The following RRP12 variants were observed in gnomAD, a reference collection of about 807,000 sequenced individuals.
The protein encoded by RRP12 is ribosomal RNA processing 12 homolog.
In RRP12, 78 loss-of-function variants were observed where a neutral mutation model predicts 157.3. That is an observed-to-expected ratio of 0.50 (90% CI 0.41 to 0.60). RRP12 has a LOEUF of 0.60. RRP12 is among the 20% of genes least tolerant of loss of function. The probability of loss-of-function intolerance (pLI) is 0.00; values close to 1 mark genes in which losing one functional copy is unlikely to be tolerated. For missense variants in RRP12, 1,521 were observed against 1,679.9 expected (o/e 0.91, Z 1.65); for synonymous variants, 726 against 670.9 (o/e 1.08, Z -1.27).
chr10:97,383,580 T>C (rs1844529271), intron 10 of RRP12, among the ~76,000 whole-genome samples: 1 of 152,200 alleles, frequency 6.6e-6, no homozygotes, highest in Admixed American at 6.5e-5. Context: ...GGCCCTTGCC[T>C]CCCTCCATGC....
chr10:97,360,034 A>G (rs1052651895), intron 31 of RRP12, among the ~76,000 whole-genome samples: 75 of 152,332 alleles, frequency 4.9e-4, no homozygotes, highest in African/African-American at 1.8e-3. Flanking sequence ...GGAAGGAAGC[A>G]GAGGTGAAGC....
intron 9 of RRP12, 120 bp downstream of exon 9, chr10:97,385,775 G>T: frequency 1.4e-6 from 1 of 700,256 alleles, no homozygotes; most frequent in Non-Finnish European, 2.5e-6. Flanking sequence ...TCTTCCACTA[G>T]GACAACCCAG....
At chr10:97,365,941 A>C in intron 29 of RRP12, 167 bp downstream of exon 29, 11 of 855,206 alleles carry the variant, frequency 1.3e-5, no homozygotes, top group Non-Finnish European at 2.1e-5. Flanking sequence ...ACAACATAAA[A>C]AGATTTCTTA....
chr10:97,384,165 C>CCTG (rs1844548757), intron 10 of RRP12, among the ~76,000 whole-genome samples: 1 of 145,856 alleles, frequency 6.9e-6, no homozygotes, highest in Admixed American at 6.9e-5. Context: ...GCAGCCAGGC[C>CCTG]AGAGGCCCTG....
At chr10:97,394,211 C>T (rs1164236444) in intron 3 of RRP12, among the ~76,000 whole-genome samples, 2 of 152,022 alleles carry the variant, frequency 1.3e-5, no homozygotes, top group African/African-American at 2.4e-5. Flanking sequence ...GGCATGGTGG[C>T]GGGCGCCTGT....
At chr10:97,386,917 A>C (rs1307087466) in intron 8 of RRP12, among the ~76,000 whole-genome samples, 3 of 151,976 alleles carry the variant, frequency 2.0e-5, no homozygotes, top group Non-Finnish European at 4.4e-5. Flanking sequence ...GTGAACCCGG[A>C]AGGCGGAGTT....
In RRP12 at chr10:97,369,434, C is replaced by T. The variant is rs529618708; in HGVS notation, c.2946G>A (p.Val982=). The T allele has an allele frequency of 1.2e-5, 19 of 1,611,872 alleles. No individual in the cohort carries two copies. The South Asian group carries it at 2.0e-4, about 17-fold the overall frequency. ...GAACGGGGACACTCACCACCAGCTG[C>T]ACATGTTTGGCCAGGTGCGCCACGT... ...VMDVAHLAKH[V]QLVMEAIGKL... Residue 982 remains valine, a synonymous_variant, in exon 25 of 34, where the codon GTG becomes GTA. Coordinates refer to ENST00000370992, the MANE Select transcript of RRP12 (RefSeq NM_015179.4).
At chr10:97,360,316 G>A (rs958719970) in intron 31 of RRP12, among the ~76,000 whole-genome samples, 3 of 152,148 alleles carry the variant, frequency 2.0e-5, no homozygotes, top group African/African-American at 7.2e-5. Context: ...TCCTCAGAAG[G>A]CTGGTGGTTC....
chr10:97,373,549 C>A, intron 17 of RRP12, 26 bp downstream of exon 17: 1 of 1,568,874 alleles, frequency 6.4e-7, no homozygotes, highest in East Asian at 2.3e-5. Context: ...TCCTCCCCAG[C>A]CCCCACTCCC....
chr10:97,391,314 G>A (rs923051791), intron 4 of RRP12, among the ~76,000 whole-genome samples: 9 of 151,694 alleles, frequency 5.9e-5, no homozygotes, highest in African/African-American at 2.0e-4. Flanking sequence ...GCTCACGCCT[G>A]TAATCCCAGC....
At position 97,401,187 on chromosome 10, in the gene RRP12, C is replaced by T; in HGVS notation, c.45G>A (p.Leu15=). 4 of 1,614,166 alleles carry T rather than the reference C, an allele frequency of 2.5e-6. No individual in the cohort carries two copies. The highest frequency in any genetic ancestry group is 3.4e-6 in the Non-Finnish European group (4 of 1,180,026). Residue 15 remains leucine, a synonymous_variant, in exon 1 of 34, where the codon TTG becomes TTA. Coordinates refer to ENST00000370992, the MANE Select transcript of RRP12 (RefSeq NM_015179.4). ...TGCTGTGGCCTTTCTTCCAGCGCTT[C>T]AACTTAGCTGAGACACCAGAAGGCA... ...GKLPSGVSAK[L]KRWKKGHSSD...
chr10:97,380,745 T>A (rs1231342909), intron 13 of RRP12, 54 bp downstream of exon 13: 9 of 1,297,454 alleles, frequency 6.9e-6, no homozygotes, highest in Admixed American at 1.7e-5. Context: ...CAGGAGCCCA[T>A]AGTCCAAGAG....
At chr10:97,380,759 G>A (rs41284270) in intron 13 of RRP12, 40 bp downstream of exon 13, 78,250 of 1,455,494 alleles carry the variant, frequency 0.054, 2,585 homozygotes, top group Non-Finnish European at 0.063. Flanking sequence ...CCAAGAGCCA[G>A]CACCACTTCC....
Position 97,372,746 on chromosome 10 carries a change from C to G in RRP12, c.2239G>C (p.Asp747His), listed in dbSNP as rs985880741. 10 of 1,560,588 alleles carry G rather than the reference C, an allele frequency of 6.4e-6. No homozygotes were observed. The highest frequency in any genetic ancestry group is 8.7e-6 in the Non-Finnish European group (10 of 1,152,014). Residue 747 changes from aspartate to histidine, a missense_variant, in exon 19 of 34, where the codon GAC becomes CAC. Physicochemically the swap from Asp to His is moderately conservative, Grantham distance 81. Coordinates refer to ENST00000370992, the MANE Select transcript of RRP12 (RefSeq NM_015179.4). ...SEKVLDPASS[D>H]FTRLSVLDLV... ...CCCTGAGCATGTTACCTGGTAAAGT[C>G]AGAGCTGGCAGGGTCGAGCACCTTC... is the stretch of plus-strand genomic sequence containing the variant.
At chr10:97,379,964 A>C (rs182565075) in intron 13 of RRP12, among the ~76,000 whole-genome samples, 194 bp from the exon 14 acceptor site, 7 of 152,334 alleles carry the variant, frequency 4.6e-5, no homozygotes, top group Admixed American at 3.9e-4. Context: ...ATTCTGTTAC[A>C]TTTAACAACA....
chr10:97,390,384 G>T, intron 6 of RRP12, 39 bp downstream of exon 6: 1 of 1,495,768 alleles, frequency 6.7e-7, no homozygotes, highest in Non-Finnish European at 9.3e-7. Context: ...AGTGGTGGCT[G>T]TCCCCTTGCC....
intron 15 of RRP12, among the ~76,000 whole-genome samples, chr10:97,376,881 CTTTT>C (rs200661913): frequency 3.6e-5 from 5 of 139,002 alleles, no homozygotes; most frequent in South Asian, 2.3e-4. Flanking sequence ...TCTTTCTTTT[CTTTT>C]TTTTTTTTTT....
chr10:97,376,701 C>T (rs1445406611), intron 15 of RRP12, among the ~76,000 whole-genome samples: 1 of 151,942 alleles, frequency 6.6e-6, no homozygotes, highest in East Asian at 1.9e-4. Flanking sequence ...CACTAGATGC[C>T]AGAGCACCCA....
intron 15 of RRP12, among the ~76,000 whole-genome samples, chr10:97,378,294 G>A (rs1589425840): frequency 6.6e-6 from 1 of 152,152 alleles, no homozygotes; most frequent in East Asian, 1.9e-4. Flanking sequence ...GAGCAGCATA[G>A]AGTGTATTTA....
Sources: gnomAD v4.1 joint callset for allele counts (sites outside exome capture counted in the v4.1 genomes callset) on GRCh38, gnomAD v4.1.1 for gene constraint, MANE v1.5 for transcripts, NCBI Gene and HGNC (gene_info 2026-07-23, HGNC 2026-07-21) for gene names.